Variants in GLIS3 observed in about 807,000 individuals in gnomAD.
The protein encoded by GLIS3 is zinc finger protein GLIS3.
GLIS3 carries 53 observed loss-of-function variants against 78.6 expected under a neutral mutation model. The ratio of observed to expected loss-of-function variants is 0.67; its 90% CI spans 0.54 to 0.85. GLIS3 has a LOEUF of 0.85. Among genes scored for constraint, GLIS3 ranks in the 40% least tolerant of loss-of-function variants. GLIS3 has a pLI of 0.00. For synonymous variants in GLIS3, 684 were observed against 509.9 expected (o/e 1.34, Z -4.60); for missense variants, 1,703 against 1,231.1 (o/e 1.38, Z -5.74).
chr9:4,465,532 G>T, the GLIS3 span, among the ~76,000 whole-genome samples: 1 of 152,134 alleles, frequency 6.6e-6, no homozygotes, highest in African/African-American at 2.4e-5. Context: ...CTGGGCGACA[G>T]AGTGAGACTC....
intron 4 of GLIS3, among the ~76,000 whole-genome samples, chr9:4,052,394 C>G (rs146684277): frequency 2.6e-5 from 4 of 152,082 alleles, no homozygotes; most frequent in African/African-American, 9.7e-5. Flanking sequence ...ATATTAAATG[C>G]ATTCATAATG....
intron 2 of GLIS3, among the ~76,000 whole-genome samples, chr9:4,268,976 A>T (rs1342088376): frequency 6.6e-6 from 1 of 152,224 alleles, no homozygotes; most frequent in Non-Finnish European, 1.5e-5. Flanking sequence ...CTGTTTAACA[A>T]AGCTCTGGTA....
chr9:4,291,267 A>G (rs1172924968), intron 1 of GLIS3, among the ~76,000 whole-genome samples: 1 of 152,078 alleles, frequency 6.6e-6, no homozygotes, highest in South Asian at 2.1e-4. Context: ...AGTTATACCA[A>G]CTGAAGACAA....
At chr9:3,991,919 T>C (rs1820328640) in intron 4 of GLIS3, among the ~76,000 whole-genome samples, 2 of 152,214 alleles carry the variant, frequency 1.3e-5, no homozygotes, top group East Asian at 1.9e-4. Context: ...CTTGATCTCC[T>C]GACTTCGTGA....
intron 9 of GLIS3, among the ~76,000 whole-genome samples, chr9:3,835,015 T>C (rs949870530): frequency 1.3e-5 from 2 of 152,304 alleles, no homozygotes; most frequent in South Asian, 4.1e-4. Context: ...TGGTGGAGTG[T>C]CAACACAGAA....
chr9:3,967,021 AAAAAAAAAAAAAC>A lies in GLIS3; in HGVS notation c.1711-29845_1711-29833del, dbSNP rs1483545525. ...GACAATTTCTTTCTGCAAAAAAAAA[AAAAAAAAAAAAAC>A]AAAAAAACATTTTGAGGATTTCTCA... On this transcript the variant is annotated intron_variant, in intron 4 of 10. Transcript: ENST00000381971. Among the ~76,000 whole-genome samples the A allele has an allele frequency of 1.0e-4, 14 of 140,032 alleles. 2 individuals are homozygous for A. The highest frequency in any genetic ancestry group is 4.4e-4 in the South Asian group (2 of 4,542). 91.9% of individuals were successfully genotyped at this position (140,032 alleles called of 152,430 possible).
intron 6 of GLIS3, among the ~76,000 whole-genome samples, chr9:3,919,527 T>C (rs1824731660): frequency 1.3e-5 from 2 of 151,822 alleles, no homozygotes; most frequent in East Asian, 1.9e-4. Context: ...AAATAACTAA[T>C]AGGTAGTATG....
At chr9:4,402,337 C>T in the GLIS3 span, among the ~76,000 whole-genome samples, 11 of 152,296 alleles carry the variant, frequency 7.2e-5, no homozygotes, top group Middle Eastern at 3.4e-3. Flanking sequence ...ACCTGGAAAG[C>T]CTTCCCAAGA....
At chr9:4,215,978 T>G (rs985637718) in intron 2 of GLIS3, among the ~76,000 whole-genome samples, 2 of 152,208 alleles carry the variant, frequency 1.3e-5, no homozygotes, top group Non-Finnish European at 2.9e-5. Context: ...AACTCTCATT[T>G]TGATGCTGGA....
chr9:4,128,904 A>T (rs954645673), intron 2 of GLIS3, among the ~76,000 whole-genome samples: 4 of 152,220 alleles, frequency 2.6e-5, no homozygotes, highest in Non-Finnish European at 5.9e-5. Context: ...CTCAAGTGTA[A>T]AGCCAAAAGG....
chr9:4,374,652 A>G, the GLIS3 span, among the ~76,000 whole-genome samples: 1 of 152,206 alleles, frequency 6.6e-6, no homozygotes, highest in South Asian at 2.1e-4. Flanking sequence ...TGTCTTCTCC[A>G]CCAGGAGGAA....
chr9:4,083,745 C>G (rs1207734179), intron 4 of GLIS3, among the ~76,000 whole-genome samples: 2 of 152,052 alleles, frequency 1.3e-5, no homozygotes, highest in Non-Finnish European at 2.9e-5. Context: ...AGAAAAAATC[C>G]ACTGCAGAAA....
chr9:4,366,984 TC>T, the GLIS3 span, among the ~76,000 whole-genome samples: 1 of 152,244 alleles, frequency 6.6e-6, no homozygotes, highest in Non-Finnish European at 1.5e-5. Context: ...ATCCCTGAAT[TC>T]CGTGAATGAA....
chr9:3,925,940 G>A (rs984767116), intron 6 of GLIS3, among the ~76,000 whole-genome samples: 1 of 152,132 alleles, frequency 6.6e-6, no homozygotes, highest in African/African-American at 2.4e-5. Flanking sequence ...CAGTTTCCAA[G>A]AACCTACTGA....
rs12555420 is a variant in GLIS3, at chr9:3,991,769, C to A, written c.1711-54580G>T. On this transcript the variant is annotated intron_variant, in intron 4 of 10. Transcript: ENST00000381971. ...GCAGTGGTGGGATCTCGGCTCACTG[C>A]AAGCTCCGCCTCCCGGCTTCATGCC... 5.3e-4 allele frequency among the ~76,000 whole-genome samples: 76 copies of A among 143,232 alleles called. No individual in the cohort carries two copies. In the East Asian group the frequency reaches 0.016, roughly 30 times the overall value. 94.0% of individuals were successfully genotyped at this position (143,232 alleles called of 152,430 possible).
chr9:4,088,132 G>A (rs991431011), intron 4 of GLIS3, among the ~76,000 whole-genome samples: 6 of 152,120 alleles, frequency 3.9e-5, no homozygotes, highest in Admixed American at 2.6e-4. Context: ...TTCAACTTCT[G>A]AAAGGGAGAA....
At chr9:4,395,768 T>C in the GLIS3 span, among the ~76,000 whole-genome samples, 1 of 148,474 alleles carries the variant, frequency 6.7e-6, no homozygotes, top group Non-Finnish European at 1.5e-5. Context: ...TTTTCTTTTT[T>C]CTTTTTTTCT....
intron 2 of GLIS3, among the ~76,000 whole-genome samples, chr9:4,260,463 A>G (rs1434209839): frequency 6.6e-6 from 1 of 151,436 alleles, no homozygotes; most frequent in African/African-American, 2.4e-5. Context: ...GCTACTCGGG[A>G]GGCTGAGGCA....
At chr9:4,329,849 T>A (rs1817659034) in intron 2 of GLIS3, among the ~76,000 whole-genome samples, 1 of 152,334 alleles carries the variant, frequency 6.6e-6, no homozygotes. Flanking sequence ...AATGCAATGA[T>A]GAATTCGACT....
Sources: allele counts gnomAD v4.1 joint callset (sites outside exome capture counted in the v4.1 genomes callset), GRCh38; gene constraint gnomAD v4.1.1; transcripts MANE v1.5; gene names NCBI Gene and HGNC (gene_info 2026-07-23, HGNC 2026-07-21).